The following GFOD1 variants were observed in gnomAD, a reference collection of about 807,000 sequenced individuals.
GFOD1 encodes glucose-fructose oxidoreductase domain-containing protein 1.
Under a neutral mutation model 25.4 loss-of-function variants are expected in GFOD1, and 9 were observed. The ratio of observed to expected loss-of-function variants is 0.35; its 90% CI spans 0.21 to 0.62. The LOEUF (loss-of-function observed/expected upper bound fraction) is 0.62. GFOD1 is among the 20% of genes least tolerant of loss of function. GFOD1 has a pLI of 0.72. For missense variants in GFOD1, 403 were observed against 556.9 expected, an observed-to-expected ratio of 0.72 and a Z score of 2.78; for synonymous variants, 253 against 245.6, an observed-to-expected ratio of 1.03 and a Z score of -0.28.
At chr6:13,403,076 GT>G (rs1292529317) in intron 1 of GFOD1, among the ~76,000 whole-genome samples, 1 of 147,298 alleles carries the variant, frequency 6.8e-6, no homozygotes, top group Admixed American at 6.7e-5. Flanking sequence ...AAATGGTAGG[GT>G]TTTTTTGTTT....
chr6:13,452,651 G>T (rs1009755739), intron 1 of GFOD1, among the ~76,000 whole-genome samples: 11 of 152,138 alleles, frequency 7.2e-5, no homozygotes, highest in African/African-American at 2.7e-4. Context: ...TGCCCACCTT[G>T]CCCTCTTTTT....
In GFOD1 at chr6:13,360,818, G is replaced by A. The variant is rs548522640; in HGVS notation, c.*3925C>T. On this transcript the variant is annotated 3_prime_UTR_variant, in exon 2 of 2. Coordinates refer to ENST00000379287, the MANE Select transcript of GFOD1 (RefSeq NM_018988.4). ...CTTCCTGGGTGTGAGAGCAGACCCC[G>A]TAGACATTGATAAGGAGCGGTTTCC... 1.6e-4 allele frequency: 74 copies of A among 456,716 alleles called. 1 individual carries two copies. The Middle Eastern group carries it at 3.3e-3, about 20-fold the overall frequency. The allele number at this position is 456,716 out of a possible 1,614,324, so 28.3% of individuals were successfully genotyped here.
intron 1 of GFOD1, among the ~76,000 whole-genome samples, chr6:13,425,808 T>C (rs9370104): frequency 0.58 from 88,185 of 150,792 alleles, 29,706 homozygotes; most frequent in Non-Finnish European, 0.74. Flanking sequence ...CTGGGCCACA[T>C]TGGAAGAAGA....
intron 1 of GFOD1, among the ~76,000 whole-genome samples, chr6:13,398,347 C>G (rs941939654): frequency 6.6e-6 from 1 of 152,206 alleles, no homozygotes; most frequent in African/African-American, 2.4e-5. Context: ...AATGCTGATA[C>G]AAGACCAGGT....
At chr6:13,440,705 T>C (rs1584653467) in intron 1 of GFOD1, among the ~76,000 whole-genome samples, 1 of 152,346 alleles carries the variant, frequency 6.6e-6, no homozygotes, top group Middle Eastern at 3.4e-3. Flanking sequence ...ATGTTTCCTA[T>C]TAAATCAGAG....
chr6:13,420,762 C>T (rs1418095528), intron 1 of GFOD1, among the ~76,000 whole-genome samples: 2 of 152,168 alleles, frequency 1.3e-5, no homozygotes, highest in Non-Finnish European at 2.9e-5. Context: ...CTGATTTTTT[C>T]CGGGTCTTTG....
At chr6:13,422,566 G>C (rs552466001) in intron 1 of GFOD1, among the ~76,000 whole-genome samples, 3 of 152,144 alleles carry the variant, frequency 2.0e-5, no homozygotes, top group Non-Finnish European at 4.4e-5. Context: ...TTCCCCAAAA[G>C]TCAAGACGTC....
intron 1 of GFOD1, among the ~76,000 whole-genome samples, chr6:13,474,963 G>A (rs899684792): frequency 6.6e-6 from 1 of 152,126 alleles, no homozygotes; most frequent in Non-Finnish European, 1.5e-5. Context: ...AATTCGTTCC[G>A]CTGTACTAGT....
chr6:13,390,784 GAAGGAAGGAAGGAAGGA>G lies in GFOD1; in HGVS notation c.254-25139_254-25123del, dbSNP rs1785583704. 4.3e-4 allele frequency among the ~76,000 whole-genome samples: 54 copies of G among 125,238 alleles called. 1 individual carries two copies. The highest frequency in any genetic ancestry group is 1.5e-3 in the African/African-American group (53 of 34,506). The allele number at this position is 125,238 out of a possible 152,430, so 82.2% of individuals were successfully genotyped here. A position where few individuals can be genotyped will look rare whatever the true frequency, so the allele number is the denominator to read the frequency against. Reference sequence around the variant, plus strand: ...GAAAGAGAGAGAGAGAGAGAGAAAGGAAGGAAGGAAGGAAGGAAGGAAGGAAGGAAGGAAGGAAGGAA... The same window carrying G: ...GAAAGAGAGAGAGAGAGAGAGAAAGGAGGAAGGAAGGAAGGAAGGAAGGAA... On this transcript the variant is annotated intron_variant, in intron 1 of 1. Transcript: ENST00000379287.
At position 13,427,852 on chromosome 6, in the gene GFOD1, G is replaced by A. The variant is rs147638207; in HGVS notation, c.253+58786C>T. Reference sequence around the variant, plus strand: ...TGACAGGCACCTTTCCAGCCTCTACGGAATCTTTAGCAGCCCCACGACACC... The same window carrying A: ...TGACAGGCACCTTTCCAGCCTCTACAGAATCTTTAGCAGCCCCACGACACC... On this transcript the variant is annotated intron_variant, in intron 1 of 1. Transcript: ENST00000379287. 4.1e-3 allele frequency among the ~76,000 whole-genome samples: 623 copies of A among 152,240 alleles called. 2 individuals are homozygous for A. The highest frequency in any genetic ancestry group is 0.01 in the Admixed American group (155 of 15,286).
At chr6:13,419,913 G>A (rs6458811) in intron 1 of GFOD1, among the ~76,000 whole-genome samples, 149,573 of 152,320 alleles carry the variant, frequency 0.98, 73,503 homozygotes, top group Middle Eastern at 1. Context: ...CTCACCCCTC[G>A]CCCCTATCAC....
In GFOD1 at chr6:13,364,175, A is replaced by G. The variant is rs1177205445; in HGVS notation, c.*568T>C. The G allele has an allele frequency of 6.5e-6, 1 of 153,414 alleles. No individual in the cohort carries two copies. Among genetic ancestry groups the G allele is most frequent in the Non-Finnish European group, 1.5e-5 (1 of 68,924 alleles). 9.5% of individuals were successfully genotyped at this position (153,414 alleles called of 1,614,324 possible). ...AAAGGTGGCCACTTTGCTACTAAGT[A>G]CTTTTGCCGTTAGATACCTTATATC... On this transcript the variant is annotated 3_prime_UTR_variant, in exon 2 of 2. Coordinates refer to ENST00000379287, the MANE Select transcript of GFOD1 (RefSeq NM_018988.4). The surrounding 1 kb of genome is among the most constrained non-coding windows in gnomAD (Gnocchi z 4.1).
At chr6:13,465,638 T>C (rs1758367136) in intron 1 of GFOD1, among the ~76,000 whole-genome samples, 1 of 152,194 alleles carries the variant, frequency 6.6e-6, no homozygotes, top group Non-Finnish European at 1.5e-5. Context: ...GGCTTCAGGA[T>C]GTTTGACACC....
In GFOD1 at chr6:13,405,366, A is replaced by G. The variant is rs541635583; in HGVS notation, c.254-39704T>C. 6.6e-5 allele frequency among the ~76,000 whole-genome samples: 10 copies of G among 152,354 alleles called. No homozygotes were observed. In the South Asian group the frequency reaches 2.1e-3, roughly 32 times the overall value. The stretch of plus-strand genomic sequence containing the variant: ...CAGGTGGAATTAATTTTAATAATAT[A>G]TTTTCCTTAACACAATATATCCAAA... On this transcript the variant is annotated intron_variant, in intron 1 of 1. Coordinates refer to ENST00000379287, the MANE Select transcript of GFOD1 (RefSeq NM_018988.4).
chr6:13,381,276 C>A lies in GFOD1; in HGVS notation c.254-15614G>T, dbSNP rs1785357105. On this transcript the variant is annotated intron_variant, in intron 1 of 1. Transcript: ENST00000379287. ...GCACCTGAATCTGTGTTGGCCCCAG[C>A]AACACTCATTCAAAATCTGAAAAGC... Among the ~76,000 whole-genome samples the A allele has an allele frequency of 2.6e-5, 4 of 152,326 alleles. 1 individual carries two copies. The South Asian group carries it at 8.3e-4, about 32-fold the overall frequency.
chr6:13,398,268 G>C (rs948255037), intron 1 of GFOD1, among the ~76,000 whole-genome samples: 1 of 151,052 alleles, frequency 6.6e-6, no homozygotes, highest in East Asian at 1.9e-4. Flanking sequence ...AGTTATTACT[G>C]TTAACAGCAT....
intron 1 of GFOD1, among the ~76,000 whole-genome samples, chr6:13,485,621 C>A (rs1758846663): frequency 6.6e-6 from 1 of 152,118 alleles, no homozygotes. Flanking sequence ...CTTCTCTTTC[C>A]CCTGAGCATA....
chr6:13,443,714 G>A (rs1193854564), intron 1 of GFOD1, among the ~76,000 whole-genome samples: 1 of 151,316 alleles, frequency 6.6e-6, no homozygotes, highest in Non-Finnish European at 1.5e-5. Flanking sequence ...TACTCGGGAG[G>A]CTGAAGAAGG....
At chr6:13,457,548 C>T (rs370719522) in intron 1 of GFOD1, among the ~76,000 whole-genome samples, 1 of 152,142 alleles carries the variant, frequency 6.6e-6, no homozygotes, top group African/African-American at 2.4e-5. Context: ...GATGGAGCTG[C>T]GACTAGAACG....
Sources: gnomAD v4.1 joint callset for allele counts (sites outside exome capture counted in the v4.1 genomes callset) on GRCh38, gnomAD v4.1.1 for gene constraint, Gnocchi (gnomAD v3.1) non-coding constraint, MANE v1.5 for transcripts, NCBI Gene and HGNC (gene_info 2026-07-23, HGNC 2026-07-21) for gene names.